Variants in KCNJ15 observed in about 807,000 individuals in gnomAD.
The protein encoded by KCNJ15 is potassium inwardly rectifying channel subfamily J member 15, also known as ATP-sensitive inward rectifier potassium channel 15.
In KCNJ15, 14 loss-of-function variants were observed where a neutral mutation model predicts 23.0. The ratio of observed to expected loss-of-function variants is 0.61; its 90% CI spans 0.40 to 0.95. KCNJ15 has a LOEUF of 0.95. KCNJ15 is among the 40% of genes least tolerant of loss of function. The probability of loss-of-function intolerance (pLI) is 0.00; values close to 1 mark genes in which losing one functional copy is unlikely to be tolerated. For synonymous variants in KCNJ15, 185 were observed against 183.2 expected, an observed-to-expected ratio of 1.01 and a Z score of -0.08; for missense variants, 388 against 461.8, an observed-to-expected ratio of 0.84 and a Z score of 1.46.
At chr21:38,292,196 T>C (rs1984675066) in intron 1 of KCNJ15, among the ~76,000 whole-genome samples, 1 of 152,214 alleles carries the variant, frequency 6.6e-6, no homozygotes, top group Admixed American at 6.5e-5. Flanking sequence ...AATTATTTAA[T>C]TTCTCTAAGC....
At chr21:38,258,174 CA>C (rs1178293244) in intron 1 of KCNJ15, among the ~76,000 whole-genome samples, 1 of 152,090 alleles carries the variant, frequency 6.6e-6, no homozygotes, top group East Asian at 1.9e-4. Context: ...CTGTTATCCC[CA>C]ATCCTATCTT....
intron 2 of KCNJ15, among the ~76,000 whole-genome samples, chr21:38,297,406 C>G (rs1985271431): frequency 6.6e-6 from 1 of 152,198 alleles, no homozygotes; most frequent in African/African-American, 2.4e-5. Context: ...GGCTGAGTGC[C>G]CGCAGGACAC....
At position 38,304,305 on chromosome 21, in the gene KCNJ15, G is replaced by A. The variant is rs1316695009; in HGVS notation, c.*3916G>A. Reference sequence around the variant, plus strand: ...GTGATGTTCCCCTTCCTGTGTCCATGTGTTCTCATTGTTCAATTTCCACCT... The same window carrying A: ...GTGATGTTCCCCTTCCTGTGTCCATATGTTCTCATTGTTCAATTTCCACCT... On this transcript the variant is annotated 3_prime_UTR_variant, in exon 3 of 3. Coordinates refer to ENST00000398938, the MANE Select transcript of KCNJ15 (RefSeq NM_170736.3). 2 of 132,998 alleles carry A rather than the reference G, an allele frequency of 1.5e-5. No individual in the cohort carries two copies. The highest frequency in any genetic ancestry group is 3.1e-5 in the Non-Finnish European group (2 of 65,552). 8.2% of individuals were successfully genotyped at this position (132,998 alleles called of 1,614,324 possible).
At chr21:38,293,993 G>A (rs1044029865) in intron 1 of KCNJ15, among the ~76,000 whole-genome samples, 1 of 151,986 alleles carries the variant, frequency 6.6e-6, no homozygotes, top group Non-Finnish European at 1.5e-5. Flanking sequence ...CCAAGGCCAA[G>A]GCCAAAGGTC....
chr21:38,264,673 T>C (rs904133579), intron 1 of KCNJ15, among the ~76,000 whole-genome samples: 3 of 152,210 alleles, frequency 2.0e-5, no homozygotes, highest in African/African-American at 7.2e-5. Flanking sequence ...CTGAAGTCTT[T>C]TGAAAATATG....
intron 1 of KCNJ15, among the ~76,000 whole-genome samples, chr21:38,287,267 C>T (rs1375585608): frequency 1.3e-5 from 2 of 152,176 alleles, no homozygotes; most frequent in East Asian, 3.9e-4. Flanking sequence ...ACCCCCATCC[C>T]GCAGTGGTTA....
In KCNJ15 at chr21:38,306,826, G is replaced by A. The variant is rs1438587146; in HGVS notation, c.*6437G>A. The A allele has an allele frequency of 1.3e-5, 2 of 152,170 alleles. No homozygotes were observed. Among genetic ancestry groups the A allele is most frequent in the African/African-American group, 4.8e-5 (2 of 41,440 alleles). 9.4% of individuals were successfully genotyped at this position (152,170 alleles called of 1,614,324 possible). On this transcript the variant is annotated 3_prime_UTR_variant, in exon 3 of 3. Coordinates refer to ENST00000398938, the MANE Select transcript of KCNJ15 (RefSeq NM_170736.3). ...AACAGAATCTCCATTCCAGAAGGACGGACTCCAAAATGCTACTTAATGAAA... is the reference window on the plus strand; with the variant it reads ...AACAGAATCTCCATTCCAGAAGGACAGACTCCAAAATGCTACTTAATGAAA...
chr21:38,257,413 C>T (rs890467329), intron 1 of KCNJ15, among the ~76,000 whole-genome samples: 1 of 152,110 alleles, frequency 6.6e-6, no homozygotes, highest in Non-Finnish European at 1.5e-5. Flanking sequence ...TATTCTTGCT[C>T]GTGAAACAAT....
upstream of KCNJ15, among the ~76,000 whole-genome samples, chr21:38,253,473 T>C (rs1361598577): frequency 3.3e-5 from 5 of 152,144 alleles, no homozygotes; most frequent in Non-Finnish European, 7.4e-5. Context: ...CAGCTGGCCA[T>C]ATCATGATGC....
intron 1 of KCNJ15, among the ~76,000 whole-genome samples, chr21:38,288,454 G>A (rs1332629867): frequency 6.6e-6 from 1 of 152,084 alleles, no homozygotes; most frequent in African/African-American, 2.4e-5. Context: ...TTGCATGCAG[G>A]TGAATTACAT....
chr21:38,294,224 T>A (rs1327835912), intron 1 of KCNJ15, among the ~76,000 whole-genome samples: 1 of 152,238 alleles, frequency 6.6e-6, no homozygotes, highest in African/African-American at 2.4e-5. Context: ...AATTAATTTG[T>A]CAGAAATATA....
intron 1 of KCNJ15, among the ~76,000 whole-genome samples, chr21:38,257,962 G>C (rs539725602): frequency 6.6e-6 from 1 of 152,074 alleles, no homozygotes; most frequent in Admixed American, 6.6e-5. Flanking sequence ...CCACAGGTTA[G>C]AAAACTTACA....
intron 1 of KCNJ15, among the ~76,000 whole-genome samples, chr21:38,262,852 A>G (rs928755274): frequency 6.6e-6 from 1 of 151,746 alleles, no homozygotes; most frequent in Admixed American, 6.6e-5. Flanking sequence ...TAATTTTTGT[A>G]TTTTCAGTAG....
In KCNJ15 at chr21:38,302,908, CT is replaced by C. The variant is rs1335844439; in HGVS notation, c.*2521del. 8 of 152,014 alleles carry C rather than the reference CT, an allele frequency of 5.3e-5. No homozygotes were observed. The highest frequency in any genetic ancestry group is 1.0e-4 in the Non-Finnish European group (7 of 68,006). 9.4% of individuals were successfully genotyped at this position (152,014 alleles called of 1,614,324 possible). Reference sequence around the variant, plus strand: ...AGCAGAAATATCACCTTAAAAATATCTTATTTTATATTTAGATAATATTGAA... The same window carrying C: ...AGCAGAAATATCACCTTAAAAATATCTATTTTATATTTAGATAATATTGAA... On this transcript the variant is annotated 3_prime_UTR_variant, in exon 3 of 3. Coordinates refer to ENST00000398938, the MANE Select transcript of KCNJ15 (RefSeq NM_170736.3).
chr21:38,235,513 C>T (rs1978545138), intron 1 of KCNJ15, among the ~76,000 whole-genome samples: 1 of 152,162 alleles, frequency 6.6e-6, no homozygotes, highest in South Asian at 2.1e-4. Flanking sequence ...AAAGTCGTGC[C>T]ACTGCACTCC....
upstream of KCNJ15, among the ~76,000 whole-genome samples, chr21:38,253,935 A>G (rs1342435157): frequency 1.3e-5 from 2 of 152,210 alleles, no homozygotes; most frequent in Non-Finnish European, 2.9e-5. Context: ...ATTTGTTTTT[A>G]TCTTCGGCTA....
chr21:38,232,070 C>G (rs1251349896), intron 1 of KCNJ15, among the ~76,000 whole-genome samples: 3 of 150,418 alleles, frequency 2.0e-5, no homozygotes, highest in East Asian at 3.9e-4. Context: ...TGGTAGAATG[C>G]ACTAGTGAAA....
intron 1 of KCNJ15, among the ~76,000 whole-genome samples, chr21:38,261,394 T>C (rs557074882): frequency 2.0e-5 from 3 of 152,344 alleles, no homozygotes; most frequent in African/African-American, 7.2e-5. Context: ...TCTTGATAAA[T>C]CCACTCTGTG....
At chr21:38,257,564 A>G (rs1483292255) in intron 1 of KCNJ15, among the ~76,000 whole-genome samples, 1 of 152,240 alleles carries the variant, frequency 6.6e-6, no homozygotes, top group African/African-American at 2.4e-5. Context: ...GCTAATTCTG[A>G]AGCAGTTACT....
Sources: allele counts gnomAD v4.1 joint callset (sites outside exome capture counted in the v4.1 genomes callset), GRCh38; gene constraint gnomAD v4.1.1; transcripts MANE v1.5; gene names NCBI Gene and HGNC (gene_info 2026-07-23, HGNC 2026-07-21).